Variants in RTTN observed in about 807,000 individuals in gnomAD.
The protein encoded by RTTN is rotatin.
A neutral mutation model predicts 269.2 loss-of-function variants in RTTN; 182 were observed. The observed-to-expected ratio is 0.68, with a 90% CI of 0.60 to 0.76. The LOEUF is 0.76. Ranked by LOEUF, RTTN falls within the 30% of genes least tolerant of loss-of-function variation. The pLI, the probability that RTTN is intolerant of heterozygous loss-of-function variation, is 0.00. For missense variants in RTTN, 2,545 were observed against 2,608.6 expected (o/e 0.98, Z 0.53); for synonymous variants, 1,006 against 963.5 (o/e 1.04, Z -0.82).
At chr18:70,061,575 G>A (rs553705236) in intron 35 of RTTN, among the ~76,000 whole-genome samples, 1 of 152,228 alleles carries the variant, frequency 6.6e-6, no homozygotes, top group South Asian at 2.1e-4. Context: ...TCATTAATTT[G>A]CCTGTAATTC....
At position 70,095,175 on chromosome 18, in the gene RTTN, A is replaced by G. The variant is rs151104005; in HGVS notation, c.3904-2371T>C. Among the ~76,000 whole-genome samples the G allele has an allele frequency of 7.2e-3, 985 of 136,718 alleles. 9 individuals are homozygous for G. Among genetic ancestry groups the G allele is most frequent in the African/African-American group, 0.025 (930 of 37,600 alleles). The allele number at this position is 136,718 out of a possible 152,430, so 89.7% of individuals were successfully genotyped here. A position where few individuals can be genotyped will look rare whatever the true frequency, so the allele number is the denominator to read the frequency against. On this transcript the variant is annotated intron_variant, in intron 28 of 48. Transcript: ENST00000640769. ...TTGGTAAATCATCCTCCATCCCTTTATTTCAAACTTATGTGTGTCTTGCAT... is the reference window on the plus strand; with the variant it reads ...TTGGTAAATCATCCTCCATCCCTTTGTTTCAAACTTATGTGTGTCTTGCAT...
intron 44 of RTTN, 124 bp from the exon 45 acceptor site, chr18:70,020,941 T>C (rs2056686670): frequency 2.8e-6 from 2 of 715,676 alleles, no homozygotes; most frequent in Admixed American, 2.8e-5. Context: ...AACTGCAAAT[T>C]AGCAATGGAG....
At chr18:70,094,496 T>G (rs994518297) in intron 28 of RTTN, among the ~76,000 whole-genome samples, 6 of 152,230 alleles carry the variant, frequency 3.9e-5, no homozygotes, top group Non-Finnish European at 4.4e-5. Flanking sequence ...TTTGTTCTCT[T>G]TGGTTTCAAA....
chr18:70,177,823 G>A (rs2061338068), intron 10 of RTTN, among the ~76,000 whole-genome samples: 1 of 152,152 alleles, frequency 6.6e-6, no homozygotes, highest in Non-Finnish European at 1.5e-5. Flanking sequence ...GAAGCCTTGT[G>A]CATTGCTGGT....
At position 70,039,749 on chromosome 18, in the gene RTTN, C is replaced by T. The variant is rs150054574; in HGVS notation, c.5541+8222G>A. On this transcript the variant is annotated intron_variant, in intron 40 of 48. Coordinates refer to ENST00000640769, the MANE Select transcript of RTTN (RefSeq NM_173630.4). Reference sequence around the variant, plus strand: ...ATGAACCAATCGAAAATAATAACTACAGCAACTTTTTAAGACAAAGACAGT... The same window carrying T: ...ATGAACCAATCGAAAATAATAACTATAGCAACTTTTTAAGACAAAGACAGT... 3.4e-4 allele frequency among the ~76,000 whole-genome samples: 52 copies of T among 152,192 alleles called. No individual in the cohort carries two copies. In the East Asian group the frequency reaches 8.3e-3, roughly 24 times the overall value.
intron 17 of RTTN, among the ~76,000 whole-genome samples, chr18:70,147,418 T>C (rs2060423027): frequency 6.6e-6 from 1 of 152,190 alleles, no homozygotes; most frequent in African/African-American, 2.4e-5. Context: ...GTTATGTATG[T>C]AGTTAAGTTA....
chr18:70,147,055 T>G (rs2060412314), intron 17 of RTTN, among the ~76,000 whole-genome samples: 1 of 152,196 alleles, frequency 6.6e-6, no homozygotes, highest in Admixed American at 6.5e-5. Flanking sequence ...CTAGCAAAGG[T>G]GGCTAGAGAT....
intron 28 of RTTN, among the ~76,000 whole-genome samples, chr18:70,107,099 G>A (rs962205376): frequency 6.6e-6 from 1 of 152,152 alleles, no homozygotes; most frequent in Admixed American, 6.5e-5. Flanking sequence ...AAACAAAGGG[G>A]CCAGATGACT....
intron 32 of RTTN, among the ~76,000 whole-genome samples, chr18:70,076,968 A>G (rs1442888725): frequency 6.6e-6 from 1 of 151,936 alleles, no homozygotes; most frequent in Non-Finnish European, 1.5e-5. Flanking sequence ...AAGTTATAAC[A>G]TACTTAAACG....
rs1475222337 is a variant in RTTN, at chr18:70,003,967, G to A, written c.*184C>T. On this transcript the variant is annotated 3_prime_UTR_variant, in exon 49 of 49. Transcript: ENST00000640769. Reference sequence around the variant, plus strand: ...AAAGTTGTCAGCTGCTATTACTTCTGGAGAGCTGCCACAACTGGACGGTGT... The same window carrying A: ...AAAGTTGTCAGCTGCTATTACTTCTAGAGAGCTGCCACAACTGGACGGTGT... 1 of 436,758 alleles carries A rather than the reference G, an allele frequency of 2.3e-6. No homozygotes were observed. The highest frequency in any genetic ancestry group is 4.1e-6 in the Non-Finnish European group (1 of 246,822). The allele number at this position is 436,758 out of a possible 1,614,324, so 27.1% of individuals were successfully genotyped here.
At chr18:70,191,670 C>T (rs2061674981) in intron 8 of RTTN, among the ~76,000 whole-genome samples, 1 of 152,142 alleles carries the variant, frequency 6.6e-6, no homozygotes. Context: ...TTACAAAGAG[C>T]CTCAAAATTT....
At chr18:70,100,638 C>A (rs1367966011) in intron 28 of RTTN, among the ~76,000 whole-genome samples, 1 of 152,160 alleles carries the variant, frequency 6.6e-6, no homozygotes. Context: ...TGAGAGAGGG[C>A]ATCCCTGTCT....
intron 14 of RTTN, among the ~76,000 whole-genome samples, chr18:70,153,691 G>C (rs1205340996): frequency 1.3e-5 from 2 of 152,128 alleles, no homozygotes; most frequent in Non-Finnish European, 2.9e-5. Flanking sequence ...GAAGACACTG[G>C]AATAATATCA....
chr18:70,176,754 A>G lies in RTTN; in HGVS notation c.1397T>C (p.Leu466Pro). ...GATAAAGGCCATTCTGTGGTGCACA[A>G]GCATCACCTCTGGCTGCTCCAAACT... ...SISLEQPEVM[L>P]VHHRMAFISI... Residue 466 changes from leucine (L) to proline (P), a missense_variant, in exon 11 of 49, where the codon CTT (leucine) becomes CCT (proline). Coordinates refer to ENST00000640769, the MANE Select transcript of RTTN (RefSeq NM_173630.4). 1 of 1,614,074 alleles carries G rather than the reference A, an allele frequency of 6.2e-7. No homozygotes were observed. The highest frequency in any genetic ancestry group is 1.1e-5 in the South Asian group (1 of 91,066).
intron 3 of RTTN, 69 bp downstream of exon 3, chr18:70,204,017 A>T: frequency 8.3e-7 from 1 of 1,203,648 alleles, no homozygotes; most frequent in Non-Finnish European, 1.2e-6. Context: ...AAAAAAATCT[A>T]ATCTCCCTTT....
intron 32 of RTTN, among the ~76,000 whole-genome samples, chr18:70,078,376 C>T (rs1298628231): frequency 6.6e-6 from 1 of 151,742 alleles, no homozygotes; most frequent in Non-Finnish European, 1.5e-5. Flanking sequence ...ATGCACTTGT[C>T]ACTAGTTACC....
intron 33 of RTTN, among the ~76,000 whole-genome samples, chr18:70,074,308 G>T (rs201901658): frequency 6.6e-6 from 1 of 152,068 alleles, no homozygotes; most frequent in Non-Finnish European, 1.5e-5. Context: ...TGCCAATGCT[G>T]TTAGTTTAAG....
At chr18:70,101,088 C>T (rs1213810651) in intron 28 of RTTN, among the ~76,000 whole-genome samples, 2 of 152,184 alleles carry the variant, frequency 1.3e-5, no homozygotes, top group African/African-American at 2.4e-5. Flanking sequence ...ATGCTGGCCT[C>T]ATAAAATGAG....
intron 30 of RTTN, among the ~76,000 whole-genome samples, chr18:70,089,819 CAA>C (rs2058795471): frequency 6.6e-6 from 1 of 152,236 alleles, no homozygotes; most frequent in South Asian, 2.1e-4. Flanking sequence ...GATTTCTAAG[CAA>C]AGTGTTGAAA....
Sources: gnomAD v4.1 joint callset for allele counts (sites outside exome capture counted in the v4.1 genomes callset) on GRCh38, gnomAD v4.1.1 for gene constraint, MANE v1.5 for transcripts, NCBI Gene and HGNC (gene_info 2026-07-23, HGNC 2026-07-21) for gene names.